WASHC3: variants seen among roughly 807,000 people sequenced by gnomAD.
The protein encoded by WASHC3 is WASH complex subunit 3.
In WASHC3, 24 loss-of-function variants were observed where a neutral mutation model predicts 26.1. The ratio of observed to expected loss-of-function variants is 0.92; its 90% CI spans 0.66 to 1.29. The LOEUF (loss-of-function observed/expected upper bound fraction) is 1.29, where lower values mean the gene tolerates loss of function less well. Ranked by LOEUF, WASHC3 falls within the 50% of genes most tolerant of loss-of-function variation. WASHC3 has a pLI of 0.00. For synonymous variants in WASHC3, 77 were observed against 75.7 expected (o/e 1.02, Z -0.09); for missense variants, 214 against 229.6 (o/e 0.93, Z 0.44).
intron 2 of WASHC3, 63 bp downstream of exon 2, chr12:102,061,185 G>C: frequency 9.6e-7 from 1 of 1,046,874 alleles, no homozygotes. Flanking sequence ...TACTCCATTT[G>C]TCAGTCTCAG....
chr12:102,044,330 T>C (rs1878066920), intron 3 of WASHC3, 118 bp from the exon 4 acceptor site: 1 of 402,684 alleles, frequency 2.5e-6, no homozygotes, highest in South Asian at 6.0e-5. Flanking sequence ...ATCTTGTCTT[T>C]AATTTTCCAT....
In WASHC3 at chr12:102,046,076, G is replaced by A. The variant is rs1565818951; in HGVS notation, c.194C>T (p.Thr65Ile). The change falls in exon 3 of 7, where the codon ACT (threonine) becomes ATT (isoleucine). Residue 65 changes from threonine (T) to isoleucine (I), a missense_variant. Coordinates refer to ENST00000240079, the MANE Select transcript of WASHC3 (RefSeq NM_016053.4). ...LSLRIQQIET[T>I]LNILDAKLSS... ...AACCTTTGCATCTAAAATATTGAGA[G>A]TTGTTTCAATTTGTTGGATACGAAG... 1 of 1,596,076 alleles carries A rather than the reference G, an allele frequency of 6.3e-7. No individual in the cohort carries two copies. The highest frequency in any genetic ancestry group is 8.6e-7 in the Non-Finnish European group (1 of 1,168,200).
intron 2 of WASHC3, among the ~76,000 whole-genome samples, chr12:102,058,763 T>C (rs1345659391): frequency 6.6e-6 from 1 of 152,174 alleles, no homozygotes; most frequent in Admixed American, 6.5e-5. Flanking sequence ...GAAAGTTCAC[T>C]GCAACATTAT....
chr12:102,033,236 G>GT (rs1303717130), intron 5 of WASHC3, among the ~76,000 whole-genome samples: 3 of 151,988 alleles, frequency 2.0e-5, no homozygotes, highest in Non-Finnish European at 4.4e-5. Flanking sequence ...GGAAAAATCT[G>GT]TTTTTGTAAC....
chr12:102,061,495 TGTG>T, intron 1 of WASHC3, 149 bp from the exon 2 acceptor site: 1 of 647,332 alleles, frequency 1.5e-6, no homozygotes, highest in South Asian at 1.8e-5. Flanking sequence ...TTTCCTAAGC[TGTG>T]GGTGGGGTGT....
In WASHC3 at chr12:102,025,058, C is replaced by T. The variant is rs938244208; in HGVS notation, c.500+916G>A. Among the ~76,000 whole-genome samples, 3 of 152,080 alleles carry T rather than the reference C, an allele frequency of 2.0e-5. No homozygotes were observed. The East Asian group carries it at 5.8e-4, about 29-fold the overall frequency. ...AGAATTCATAAATTTCATATTTTGG[C>T]AGATAAAATATGAGAAAAAGACTAC... On this transcript the variant is annotated intron_variant, in intron 6 of 6. Coordinates refer to ENST00000240079, the MANE Select transcript of WASHC3 (RefSeq NM_016053.4).
At chr12:102,058,547 G>C (rs1594374469) in intron 2 of WASHC3, among the ~76,000 whole-genome samples, 1 of 152,094 alleles carries the variant, frequency 6.6e-6, no homozygotes, top group African/African-American at 2.4e-5. Context: ...TATGGAATGG[G>C]AGACTATATT....
chr12:102,044,151 C>G lies in WASHC3; in HGVS notation c.278G>C (p.Ser93Thr), dbSNP rs745549584. Residue 93 changes from serine to threonine, a missense_variant, in exon 4 of 7, where the codon AGT (serine) becomes ACT (threonine). Transcript: ENST00000240079. The part of the protein sequence containing the change: ...TVEVSPLNVT[S>T]VTNGAHPEAT... ...TTCAGGATGTGCTCCATTTGTGACACTGGTGACATTTAAAGGAGATACTTC... is the reference window on the plus strand; with the variant it reads ...TTCAGGATGTGCTCCATTTGTGACAGTGGTGACATTTAAAGGAGATACTTC... 1.2e-6 allele frequency: 2 copies of G among 1,610,642 alleles called. No individual in the cohort carries two copies. Among genetic ancestry groups the G allele is most frequent in the East Asian group, 2.2e-5 (1 of 44,636 alleles).
chr12:102,059,022 G>A (rs939912700), intron 2 of WASHC3, among the ~76,000 whole-genome samples: 2 of 152,166 alleles, frequency 1.3e-5, no homozygotes, highest in African/African-American at 4.8e-5. Flanking sequence ...ATATTGAGTA[G>A]AATGGTGGTT....
intron 6 of WASHC3, among the ~76,000 whole-genome samples, chr12:102,019,744 A>C (rs1455930885): frequency 1.3e-5 from 2 of 152,214 alleles, no homozygotes; most frequent in East Asian, 3.8e-4. Context: ...GTTTAAGTTT[A>C]AGCTAATTAC....
At chr12:102,014,877 G>C (rs1436325651) in intron 6 of WASHC3, among the ~76,000 whole-genome samples, 1 of 152,116 alleles carries the variant, frequency 6.6e-6, no homozygotes, top group Non-Finnish European at 1.5e-5. Context: ...ATTTCTTACT[G>C]TCTATACTTT....
intron 6 of WASHC3, among the ~76,000 whole-genome samples, chr12:102,017,159 A>C (rs770064411): frequency 6.6e-6 from 1 of 152,214 alleles, no homozygotes; most frequent in African/African-American, 2.4e-5. Context: ...ATACACAAAT[A>C]CTTGTCATTG....
At chr12:102,024,405 G>A (rs1336655320) in intron 6 of WASHC3, among the ~76,000 whole-genome samples, 2 of 152,152 alleles carry the variant, frequency 1.3e-5, no homozygotes, top group South Asian at 2.1e-4. Flanking sequence ...TGAACTAAAC[G>A]GCAATGGATA....
At chr12:102,049,444 T>G (rs1878301211) in intron 2 of WASHC3, among the ~76,000 whole-genome samples, 1 of 152,210 alleles carries the variant, frequency 6.6e-6, no homozygotes. Context: ...AAAACAAACT[T>G]GAAATGCTAT....
chr12:102,050,350 G>C, intron 2 of WASHC3: 1 of 437,840 alleles, frequency 2.3e-6, no homozygotes, highest in Non-Finnish European at 4.5e-6. Flanking sequence ...CAGGTACAGT[G>C]GCTCACGCCT....
chr12:102,057,609 T>C (rs999887338), intron 2 of WASHC3, among the ~76,000 whole-genome samples: 7 of 151,980 alleles, frequency 4.6e-5, no homozygotes, highest in Non-Finnish European at 1.0e-4. Flanking sequence ...ATCAGTAGCA[T>C]TTCTATACAC....
intron 2 of WASHC3, chr12:102,059,637 A>G (rs1045998771): frequency 6.6e-6 from 1 of 152,190 alleles, no homozygotes; most frequent in Non-Finnish European, 1.5e-5. Flanking sequence ...CTGTTTCAGG[A>G]CAGCTCAAAC....
chr12:102,051,857 T>A (rs1266311296), intron 2 of WASHC3, among the ~76,000 whole-genome samples: 3 of 152,242 alleles, frequency 2.0e-5, no homozygotes, highest in East Asian at 3.8e-4. Context: ...ATAAAGCACT[T>A]AGTATGATGC....
chr12:102,030,295 C>CAAAAAA (rs57056667), intron 5 of WASHC3, among the ~76,000 whole-genome samples: 2 of 89,136 alleles, frequency 2.2e-5, no homozygotes, highest in African/African-American at 8.3e-5. Flanking sequence ...AACTCCATCT[C>CAAAAAA]AAAAAAAAAA....
Sources: gnomAD v4.1 joint callset for allele counts (sites outside exome capture counted in the v4.1 genomes callset) on GRCh38, gnomAD v4.1.1 for gene constraint, MANE v1.5 for transcripts, NCBI Gene and HGNC (gene_info 2026-07-23, HGNC 2026-07-21) for gene names.